The following ANKRD55 variants were observed in gnomAD, a reference collection of about 807,000 sequenced individuals.
ANKRD55 encodes ankyrin repeat domain-containing protein 55.
In ANKRD55, 41 loss-of-function variants were observed where a neutral mutation model predicts 60.6. The observed-to-expected ratio is 0.68, with a 90% CI of 0.53 to 0.88. The LOEUF (loss-of-function observed/expected upper bound fraction) is 0.88. Ranked by LOEUF, ANKRD55 falls within the 40% of genes least tolerant of loss-of-function variation. The pLI is 0.00. For synonymous variants in ANKRD55, 264 were observed against 290.3 expected (o/e 0.91, Z 0.92); for missense variants, 732 against 767.6 (o/e 0.95, Z 0.55).
At chr5:56,195,860 T>A (rs1328363783) in intron 2 of ANKRD55, among the ~76,000 whole-genome samples, 2 of 152,220 alleles carry the variant, frequency 1.3e-5, no homozygotes, top group Non-Finnish European at 2.9e-5. Context: ...GCCCACATAG[T>A]GAAAACATGC....
chr5:56,213,358 G>C (rs1759723155), intron 2 of ANKRD55, among the ~76,000 whole-genome samples: 1 of 152,114 alleles, frequency 6.6e-6, no homozygotes, highest in Non-Finnish European at 1.5e-5. Context: ...ACATTATTTT[G>C]CTTCCAGGGA....
intron 7 of ANKRD55, 106 bp from the exon 8 acceptor site, chr5:56,127,212 A>G: frequency 7.5e-7 from 1 of 1,336,422 alleles, no homozygotes; most frequent in Non-Finnish European, 9.6e-7. Flanking sequence ...AGAAAGAAAG[A>G]AAGAAAAAAG....
chr5:56,203,268 A>G (rs964059953), intron 2 of ANKRD55, among the ~76,000 whole-genome samples: 1 of 152,202 alleles, frequency 6.6e-6, no homozygotes, highest in African/African-American at 2.4e-5. Flanking sequence ...TGATTAGATC[A>G]TAGGGGTGGT....
intron 2 of ANKRD55, among the ~76,000 whole-genome samples, chr5:56,217,436 T>C (rs1417058063): frequency 6.6e-6 from 1 of 152,218 alleles, no homozygotes; most frequent in Non-Finnish European, 1.5e-5. Context: ...GACTTTCAAA[T>C]TTTGTTATTT....
chr5:56,224,307 A>G (rs911961406), intron 2 of ANKRD55, among the ~76,000 whole-genome samples: 1 of 152,242 alleles, frequency 6.6e-6, no homozygotes, highest in Admixed American at 6.5e-5. Context: ...AAGACACAAC[A>G]TACCAGAATC....
intron 8 of ANKRD55, among the ~76,000 whole-genome samples, chr5:56,120,004 T>A (rs901359580): frequency 1.3e-5 from 2 of 152,062 alleles, no homozygotes; most frequent in African/African-American, 4.8e-5. Context: ...CCAATTTGAC[T>A]GTTTTTGTAA....
chr5:56,124,031 AGCG>A (rs1209638822), intron 8 of ANKRD55, among the ~76,000 whole-genome samples: 3 of 152,172 alleles, frequency 2.0e-5, no homozygotes, highest in African/African-American at 7.2e-5. Context: ...CCAAGGATGC[AGCG>A]TTGGTTGAGC....
chr5:56,141,089 A>ATG (rs564513414), intron 7 of ANKRD55, among the ~76,000 whole-genome samples: 48 of 145,642 alleles, frequency 3.3e-4, no homozygotes, highest in South Asian at 8.7e-4. Flanking sequence ...CTATATATAT[A>ATG]TGTGTGTGTG....
intron 5 of ANKRD55, 92 bp downstream of exon 5, chr5:56,170,602 T>C (rs1758588314): frequency 9.9e-7 from 1 of 1,007,000 alleles, no homozygotes; most frequent in African/African-American, 1.6e-5. Context: ...TCTTTTTCTT[T>C]TTTTATCAGC....
At chr5:56,221,406 C>G (rs1290023376) in intron 2 of ANKRD55, among the ~76,000 whole-genome samples, 2 of 152,216 alleles carry the variant, frequency 1.3e-5, no homozygotes, top group African/African-American at 2.4e-5. Context: ...CAGTCTACAG[C>G]TCCCAGCGTG....
At chr5:56,113,537 G>A (rs1028505841) in intron 9 of ANKRD55, among the ~76,000 whole-genome samples, 4 of 152,056 alleles carry the variant, frequency 2.6e-5, no homozygotes, top group Admixed American at 6.6e-5. Context: ...TTTGAGTCGC[G>A]GGCTGAACCG....
At chr5:56,120,319 A>AC (rs1333991853) in intron 8 of ANKRD55, among the ~76,000 whole-genome samples, 1 of 152,010 alleles carries the variant, frequency 6.6e-6, no homozygotes, top group African/African-American at 2.4e-5. Context: ...GAGCCACCGC[A>AC]CCAAGCCCTC....
chr5:56,151,867 A>G (rs1156893929), intron 6 of ANKRD55, among the ~76,000 whole-genome samples: 1 of 150,020 alleles, frequency 6.7e-6, no homozygotes, highest in Admixed American at 6.7e-5. Context: ...ATGTATATAT[A>G]CGTGTGTATA....
At chr5:56,212,255 A>T (rs770655707) in intron 2 of ANKRD55, among the ~76,000 whole-genome samples, 1 of 152,208 alleles carries the variant, frequency 6.6e-6, no homozygotes, top group Non-Finnish European at 1.5e-5. Context: ...TCTATTAATA[A>T]AATATGTCAT....
chr5:56,108,571 A>T (rs1386652079), intron 10 of ANKRD55, among the ~76,000 whole-genome samples: 1 of 152,206 alleles, frequency 6.6e-6, no homozygotes, highest in Non-Finnish European at 1.5e-5. Context: ...ATCCATATTT[A>T]TCCTGTGCCT....
intron 7 of ANKRD55, chr5:56,137,014 A>G: frequency 1.4e-6 from 1 of 706,464 alleles, no homozygotes; most frequent in South Asian, 1.4e-5. Context: ...AGAGCCCCAC[A>G]AAATCATGCA....
intron 2 of ANKRD55, among the ~76,000 whole-genome samples, chr5:56,208,455 C>T (rs1433849142): frequency 3.3e-5 from 5 of 151,960 alleles, no homozygotes; most frequent in South Asian, 2.1e-4. Context: ...GACAGAGTCT[C>T]ACTCTGTTAC....
At chr5:56,167,713 CA>C (rs1450200063) in intron 5 of ANKRD55, among the ~76,000 whole-genome samples, 1 of 152,154 alleles carries the variant, frequency 6.6e-6, no homozygotes, top group Non-Finnish European at 1.5e-5. Flanking sequence ...TCAACTCATC[CA>C]AGGGTGGTGG....
intron 6 of ANKRD55, among the ~76,000 whole-genome samples, chr5:56,145,547 C>G (rs994674272): frequency 6.6e-6 from 1 of 152,214 alleles, no homozygotes; most frequent in African/African-American, 2.4e-5. Context: ...AGAAATAGGC[C>G]TTTATTGTGT....
Sources: allele counts gnomAD v4.1 joint callset (sites outside exome capture counted in the v4.1 genomes callset), GRCh38; gene constraint gnomAD v4.1.1; transcripts MANE v1.5; gene names NCBI Gene and HGNC (gene_info 2026-07-23, HGNC 2026-07-21).